Variants in SACM1L observed in about 807,000 individuals in gnomAD.
The protein encoded by SACM1L is phosphatidylinositol-3-phosphatase SAC1.
In SACM1L, 32 loss-of-function variants were observed where a neutral mutation model predicts 89.5. The ratio of observed to expected loss-of-function variants is 0.36; its 90% CI spans 0.27 to 0.48. SACM1L has a LOEUF of 0.48. Ranked by LOEUF, SACM1L falls within the 20% of genes least tolerant of loss-of-function variation. The pLI, the probability that SACM1L is intolerant of heterozygous loss-of-function variation, is 0.99. For synonymous variants in SACM1L, 213 were observed against 232.8 expected (o/e 0.92, Z 0.77); for missense variants, 543 against 708.5 (o/e 0.77, Z 2.65).
intron 13 of SACM1L, among the ~76,000 whole-genome samples, chr3:45,734,003 C>T (rs889504486): frequency 3.9e-5 from 6 of 152,074 alleles, no homozygotes; most frequent in African/African-American, 1.2e-4. Flanking sequence ...TGGTTGGTTG[C>T]AGTGCAGACA....
chr3:45,735,784 C>T (rs572037811), intron 14 of SACM1L, among the ~76,000 whole-genome samples: 5 of 152,264 alleles, frequency 3.3e-5, no homozygotes, highest in Admixed American at 1.3e-4. Flanking sequence ...TTTCCAAGAG[C>T]GTCATACCAG....
intron 14 of SACM1L, 110 bp from the exon 15 acceptor site, chr3:45,737,473 C>A: frequency 9.4e-7 from 1 of 1,062,738 alleles, no homozygotes; most frequent in Non-Finnish European, 1.4e-6. Context: ...TTCTGGCCTG[C>A]ATCCAGCAAC....
chr3:45,703,685 T>TA (rs1698326199), intron 2 of SACM1L, 150 bp downstream of exon 2: 7 of 493,806 alleles, frequency 1.4e-5, no homozygotes, highest in Non-Finnish European at 2.5e-5. Context: ...CATTCATAGG[T>TA]TGGTGCATCA....
At chr3:45,712,643 C>A (rs537675428) in intron 5 of SACM1L, among the ~76,000 whole-genome samples, 2 of 152,170 alleles carry the variant, frequency 1.3e-5, no homozygotes, top group African/African-American at 4.8e-5. Context: ...GCTGCCAGAT[C>A]CTAGGACTGA....
chr3:45,721,856 ATT>A lies in SACM1L; in HGVS notation c.680-142_680-141del, dbSNP rs1334466668. 2.0e-5 allele frequency: 12 copies of A among 596,662 alleles called. No individual in the cohort carries two copies. In the Admixed American group the frequency reaches 4.0e-4, roughly 20 times the overall value. 37.0% of individuals were successfully genotyped at this position (596,662 alleles called of 1,614,324 possible). A position where few individuals can be genotyped will look rare whatever the true frequency, so the allele number is the denominator to read the frequency against. Reference sequence around the variant, plus strand: ...TTAGTTTTCTGATCATGTATAATGAATTTGTTTGAATTGTATTTTCATAATGA... The same window carrying A: ...TTAGTTTTCTGATCATGTATAATGAATGTTTGAATTGTATTTTCATAATGA... On this transcript the variant is annotated intron_variant, in intron 8 of 19. Coordinates refer to ENST00000389061, the MANE Select transcript of SACM1L (RefSeq NM_014016.5).
At chr3:45,710,306 T>G (rs1220282229) in intron 5 of SACM1L, among the ~76,000 whole-genome samples, 1 of 151,824 alleles carries the variant, frequency 6.6e-6, no homozygotes, top group African/African-American at 2.4e-5. Context: ...GTTCAAGCAA[T>G]TCTCATGTCT....
intron 4 of SACM1L, 121 bp from the exon 5 acceptor site, chr3:45,709,377 C>T: frequency 3.7e-6 from 3 of 808,528 alleles, no homozygotes; most frequent in Non-Finnish European, 5.7e-6. Flanking sequence ...CTCACTGGCT[C>T]AGTCCTTGTG....
At chr3:45,733,245 C>T (rs1699119394) in intron 13 of SACM1L, among the ~76,000 whole-genome samples, 1 of 152,122 alleles carries the variant, frequency 6.6e-6, no homozygotes, top group Non-Finnish European at 1.5e-5. Context: ...GATGATCTCT[C>T]GAGACTTTTT....
intron 11 of SACM1L, 152 bp from the exon 12 acceptor site, chr3:45,731,149 T>C: frequency 4.2e-6 from 2 of 475,452 alleles, no homozygotes; most frequent in South Asian, 3.2e-5. Context: ...TTTTCAGAGC[T>C]CCTACAAAGT....
chr3:45,705,267 T>C, intron 3 of SACM1L, 58 bp downstream of exon 3: 2 of 1,032,576 alleles, frequency 1.9e-6, no homozygotes, highest in Non-Finnish European at 3.0e-6. Flanking sequence ...AGTTAAATTG[T>C]TAATATTAGA....
At chr3:45,718,624 C>T (rs1698719308) in intron 7 of SACM1L, among the ~76,000 whole-genome samples, 1 of 152,122 alleles carries the variant, frequency 6.6e-6, no homozygotes, top group South Asian at 2.1e-4. Context: ...GAAATTCTTA[C>T]CCATTTAATA....
chr3:45,703,296 G>A (rs1698315860), intron 1 of SACM1L, 142 bp from the exon 2 acceptor site: 7 of 581,168 alleles, frequency 1.2e-5, no homozygotes, highest in Non-Finnish European at 1.9e-5. Flanking sequence ...GAACTCATAA[G>A]GACAGCAAAC....
At chr3:45,737,253 G>C in intron 14 of SACM1L, 1 of 281,414 alleles carries the variant, frequency 3.6e-6, no homozygotes, top group Non-Finnish European at 6.6e-6. Context: ...GTAGAAGACT[G>C]GGGGTAAGAG....
intron 8 of SACM1L, among the ~76,000 whole-genome samples, chr3:45,721,400 T>C (rs1324074227): frequency 1.3e-5 from 2 of 152,200 alleles, no homozygotes; most frequent in African/African-American, 2.4e-5. Context: ...CGCATGCCTG[T>C]AATCCCAGCT....
In SACM1L at chr3:45,705,186, T is replaced by C. The variant is rs1430770958; in HGVS notation, c.182T>C (p.Leu61Pro). Residue 61 changes from leucine to proline, a missense_variant, in exon 3 of 20, where the codon CTG (leucine) becomes CCG (proline). Transcript: ENST00000389061. Reference sequence around the variant, plus strand: ...GTCACAAGACCAATATTTGGTATACTGGGCACAATCCATCTGGTGGCAGGT... The same window carrying C: ...GTCACAAGACCAATATTTGGTATACCGGGCACAATCCATCTGGTGGCAGGT... ...SAVTRPIFGI[L>P]GTIHLVAGNY... The C allele has an allele frequency of 6.2e-7, 1 of 1,610,682 alleles. No homozygotes were observed.
intron 11 of SACM1L, among the ~76,000 whole-genome samples, chr3:45,729,497 A>T (rs1698998308): frequency 6.6e-6 from 1 of 152,220 alleles, no homozygotes; most frequent in South Asian, 2.1e-4. Flanking sequence ...AATGATAATG[A>T]ACTACCTCAG....
At chr3:45,692,124 C>A (rs1001942239) in intron 1 of SACM1L, among the ~76,000 whole-genome samples, 1 of 152,154 alleles carries the variant, frequency 6.6e-6, no homozygotes, top group African/African-American at 2.4e-5. Flanking sequence ...GTTCTCTTTA[C>A]ATACTGGTCA....
At chr3:45,702,101 C>T (rs984883255) in intron 1 of SACM1L, among the ~76,000 whole-genome samples, 1 of 152,182 alleles carries the variant, frequency 6.6e-6, no homozygotes, top group Non-Finnish European at 1.5e-5. Context: ...CTTTACTTAG[C>T]ATATCCCCCC....
intron 1 of SACM1L, 162 bp downstream of exon 1, chr3:45,689,659 C>T (rs1270992018): frequency 6.1e-6 from 5 of 823,222 alleles, no homozygotes; most frequent in Non-Finnish European, 9.7e-6. Context: ...TAGGCCTCGC[C>T]CGAGTAGCCA....
Sources: allele counts gnomAD v4.1 joint callset (sites outside exome capture counted in the v4.1 genomes callset), GRCh38; gene constraint gnomAD v4.1.1; transcripts MANE v1.5; gene names NCBI Gene and HGNC (gene_info 2026-07-23, HGNC 2026-07-21).